Variants in METTL4 observed in about 807,000 individuals in gnomAD.
The protein encoded by METTL4 is methyltransferase 4, N6-adenosine, also known as N(6)-adenine-specific methyltransferase METTL4.
Under a neutral mutation model 54.0 loss-of-function variants are expected in METTL4, and 40 were observed. The ratio of observed to expected loss-of-function variants is 0.74; its 90% CI spans 0.58 to 0.96. The LOEUF (loss-of-function observed/expected upper bound fraction) is 0.96, where lower values mean the gene tolerates loss of function less well. METTL4 is among the 50% of genes least tolerant of loss of function. The pLI is 0.00. For missense variants in METTL4, 525 were observed against 549.0 expected (o/e 0.96, Z 0.44); for synonymous variants, 169 against 183.8 (o/e 0.92, Z 0.65).
rs921771415 is a variant in METTL4, at chr18:2,563,493, G to T, written c.459+304C>A. ...CCTATAATCCCAGCTACTCAGAGGAGGCCAAGGCATGAGATTGCTTGAACC... is the reference window on the plus strand; with the variant it reads ...CCTATAATCCCAGCTACTCAGAGGATGCCAAGGCATGAGATTGCTTGAACC... On this transcript the variant is annotated intron_variant, in intron 3 of 8. Transcript: ENST00000574538. Among the ~76,000 whole-genome samples, 3 of 150,842 alleles carry T rather than the reference G, an allele frequency of 2.0e-5. No homozygotes were observed. The South Asian group carries it at 6.3e-4, about 32-fold the overall frequency.
At chr18:2,548,716 T>A (rs1165325843) in intron 5 of METTL4, among the ~76,000 whole-genome samples, 1 of 152,188 alleles carries the variant, frequency 6.6e-6, no homozygotes, top group African/African-American at 2.4e-5. Flanking sequence ...ATGCCTCACC[T>A]ACTCTTTGAG....
Position 2,544,736 on chromosome 18 carries a change from C to T in METTL4, c.1098G>A (p.Val366=), listed in dbSNP as rs1377549522. ...WVKITNSGEF[V]FPLDSPHKKP... is the part of the protein sequence containing the mutation. ...TTTTGTGTGGAGAATCTAATGGGAA[C>T]ACAAATTCTCCTGAATTGGTTATCT... is the stretch of plus-strand genomic sequence containing the variant. The change falls in exon 7 of 9, where the codon GTG becomes GTA. Residue 366 remains valine (V), a synonymous_variant. Coordinates refer to ENST00000574538, the MANE Select transcript of METTL4 (RefSeq NM_022840.5). The T allele has an allele frequency of 6.2e-7, 1 of 1,612,196 alleles. No homozygotes were observed. Among genetic ancestry groups the T allele is most frequent in the Admixed American group, 1.7e-5 (1 of 59,740 alleles).
chr18:2,566,852 T>C lies in METTL4; in HGVS notation c.365A>G (p.Lys122Arg), dbSNP rs1262517686. ...AATAATAGAAATGGAGATTTCTTTT[T>C]TAACACCATTCATCAGATCTTCCTT... ...NEKEDLMNGV[K>R]KEISISIIGK... Residue 122 changes from lysine to arginine, a missense_variant, in exon 2 of 9, where the codon AAA becomes AGA. By Grantham distance (26) the Lys-to-Arg change is conservative (BLOSUM62 2). Coordinates refer to ENST00000574538, the MANE Select transcript of METTL4 (RefSeq NM_022840.5). 2 of 1,585,500 alleles carry C rather than the reference T, an allele frequency of 1.3e-6. No individual in the cohort carries two copies. Among genetic ancestry groups the C allele is most frequent in the Admixed American group, 1.8e-5 (1 of 54,284 alleles).
At chr18:2,552,150 G>A (rs908339372) in intron 5 of METTL4, among the ~76,000 whole-genome samples, 1 of 151,354 alleles carries the variant, frequency 6.6e-6, no homozygotes, top group East Asian at 1.9e-4. Flanking sequence ...CCAAGATCGC[G>A]CCACTGCACT....
chr18:2,544,628 A>C, intron 7 of METTL4, 25 bp downstream of exon 7: 1 of 1,420,336 alleles, frequency 7.0e-7, no homozygotes, highest in African/African-American at 1.4e-5. Flanking sequence ...ACATGTATAC[A>C]ATTTTGAAAA....
In METTL4 at chr18:2,560,066, A is replaced by G. The variant is rs564177584; in HGVS notation, c.459+3731T>C. On this transcript the variant is annotated intron_variant, in intron 3 of 8. Coordinates refer to ENST00000574538, the MANE Select transcript of METTL4 (RefSeq NM_022840.5). ...AAATGAACACATTTCTTAGAAAATA[A>G]AACTTGTGAAAACTGACATCAATAG... 2.0e-4 allele frequency among the ~76,000 whole-genome samples: 30 copies of G among 152,278 alleles called. No individual in the cohort carries two copies. The South Asian group carries it at 5.4e-3, about 27-fold the overall frequency.
chr18:2,540,243 T>C (rs1328400775), intron 8 of METTL4: 2 of 984,796 alleles, frequency 2.0e-6, no homozygotes, highest in Non-Finnish European at 2.4e-6. Context: ...AATTTAATCT[T>C]GATCATGCTG....
intron 2 of METTL4, among the ~76,000 whole-genome samples, chr18:2,566,046 CAAATAAATAAAT>C (rs538896989): frequency 2.4e-5 from 2 of 82,874 alleles, no homozygotes; most frequent in African/African-American, 1.1e-4. Flanking sequence ...GACTCTGTCT[CAAATAAATAAAT>C]AAATAAATAA....
intron 5 of METTL4, among the ~76,000 whole-genome samples, chr18:2,547,958 G>A (rs1444359627): frequency 5.9e-5 from 9 of 152,118 alleles, no homozygotes; most frequent in Non-Finnish European, 1.2e-4. Context: ...AATCAGTGTT[G>A]CAAAATTGGT....
At chr18:2,556,545 C>A (rs1023564123) in intron 3 of METTL4, among the ~76,000 whole-genome samples, 1 of 151,552 alleles carries the variant, frequency 6.6e-6, no homozygotes, top group Admixed American at 6.6e-5. Flanking sequence ...GAAAAAATCA[C>A]CAAATGGAAA....
chr18:2,537,793 C>A lies in METTL4; in HGVS notation c.*1207G>T, dbSNP rs560140173. 48 of 398,112 alleles carry A rather than the reference C, an allele frequency of 1.2e-4. No homozygotes were observed. The highest frequency in any genetic ancestry group is 9.4e-4 in the African/African-American group (46 of 48,696). The allele number at this position is 398,112 out of a possible 1,614,324, so 24.7% of individuals were successfully genotyped here. ...TATAAATGCTTTTCTCAAAATGCTA[C>A]GTGAAAGAAGCCAGGCACAATAGAT... On this transcript the variant is annotated 3_prime_UTR_variant, in exon 9 of 9. Coordinates refer to ENST00000574538, the MANE Select transcript of METTL4 (RefSeq NM_022840.5).
chr18:2,564,849 G>A (rs540165412), intron 2 of METTL4, among the ~76,000 whole-genome samples: 4 of 152,246 alleles, frequency 2.6e-5, no homozygotes, highest in African/African-American at 9.6e-5. Context: ...CCCATACCCT[G>A]TAAACTATAA....
At chr18:2,539,899 A>C in intron 8 of METTL4, 1 of 952,958 alleles carries the variant, frequency 1.0e-6, no homozygotes, top group Non-Finnish European at 1.2e-6. Context: ...CTTTAATAAA[A>C]TAATAATAAA....
At position 2,566,830 on chromosome 18, in the gene METTL4, A is replaced by T; in HGVS notation, c.387T>A (p.Ile129=). 1.3e-6 allele frequency: 2 copies of T among 1,559,294 alleles called. No individual in the cohort carries two copies. The highest frequency in any genetic ancestry group is 1.7e-6 in the Non-Finnish European group (2 of 1,153,178). The change falls in exon 2 of 9, where the codon ATT becomes ATA. Residue 129 remains isoleucine (I), a synonymous_variant. Transcript: ENST00000574538. ...NGVKKEISIS[I]IGKKRKRCVV... ...TCTTAAAACTTTCTACCTTCCCAATAATAGAAATGGAGATTTCTTTTTTAA... is the reference window on the plus strand; with the variant it reads ...TCTTAAAACTTTCTACCTTCCCAATTATAGAAATGGAGATTTCTTTTTTAA...
chr18:2,551,117 T>A (rs1413224373), intron 5 of METTL4, among the ~76,000 whole-genome samples: 9 of 129,834 alleles, frequency 6.9e-5, no homozygotes, highest in African/African-American at 2.7e-4. Flanking sequence ...TGAGCCGAGA[T>A]CGCGCCACTG....
At chr18:2,558,677 A>G (rs1325770539) in intron 3 of METTL4, among the ~76,000 whole-genome samples, 5 of 152,122 alleles carry the variant, frequency 3.3e-5, no homozygotes, top group Admixed American at 2.6e-4. Context: ...GACAGTAAGG[A>G]AAATTAACTA....
chr18:2,553,958 T>C (rs1250012295), intron 4 of METTL4: 1 of 152,154 alleles, frequency 6.6e-6, no homozygotes, highest in African/African-American at 2.4e-5. Context: ...AAAAGAAGCT[T>C]TTCATTAGTA....
chr18:2,547,315 A>C (rs1384861618), intron 6 of METTL4, 40 bp downstream of exon 6: 1 of 1,476,312 alleles, frequency 6.8e-7, no homozygotes. Flanking sequence ...TGTGACTTCT[A>C]TCAAGCTGTA....
intron 5 of METTL4, among the ~76,000 whole-genome samples, chr18:2,550,940 G>A (rs938803338): frequency 4.6e-5 from 7 of 151,638 alleles, no homozygotes; most frequent in African/African-American, 7.3e-5. Context: ...CGAGGCGGGC[G>A]GATCACGAGG....
Sources: gnomAD v4.1 joint callset for allele counts (sites outside exome capture counted in the v4.1 genomes callset) on GRCh38, gnomAD v4.1.1 for gene constraint, MANE v1.5 for transcripts, NCBI Gene and HGNC (gene_info 2026-07-23, HGNC 2026-07-21) for gene names.